The following ELFN2 variants were observed in gnomAD, a reference collection of about 807,000 sequenced individuals.
The protein encoded by ELFN2 is protein phosphatase 1 regulatory subunit 29.
ELFN2 carries 17 observed loss-of-function variants against 45.5 expected under a neutral mutation model. The observed-to-expected ratio is 0.37, with a 90% confidence interval of 0.26 to 0.56. ELFN2 has a LOEUF of 0.56. ELFN2 is among the 20% of genes least tolerant of loss of function. The pLI, the probability that ELFN2 is intolerant of heterozygous loss-of-function variation, is 0.77. For missense variants in ELFN2, 922 were observed against 1,183.2 expected (o/e 0.78, Z 3.24); for synonymous variants, 550 against 551.5 (o/e 1.00, Z 0.04).
downstream of ELFN2, among the ~76,000 whole-genome samples, chr22:37,366,906 C>T (rs1931218941): frequency 6.6e-6 from 1 of 152,198 alleles, no homozygotes; most frequent in Non-Finnish European, 1.5e-5. Context: ...GCCCCAGGCC[C>T]TGGGCCATCC....
At chr22:37,351,699 G>C (rs967865094) in intron 1 of ELFN2, among the ~76,000 whole-genome samples, 18 of 150,768 alleles carry the variant, frequency 1.2e-4, no homozygotes, top group African/African-American at 4.3e-4. Flanking sequence ...CAGTTTACCT[G>C]TGAAGTGAGG....
rs1931478223 is a variant in ELFN2 at position 37,374,033 on chromosome 22, T to C, written c.1502A>G (p.Asn501Ser). 1.9e-6 allele frequency: 3 copies of C among 1,613,116 alleles called. No homozygotes were observed. The highest frequency in any genetic ancestry group is 2.5e-6 in the Non-Finnish European group (3 of 1,180,018). ...GGCGCCTGTGCGCACCTCGATATAG[T>C]TGCCTTTGGTGGCTACCTTGGGTGT... Reference protein sequence around the residue: ...LDTPKVATKGNYIEVRTGAGG... With the variant: ...LDTPKVATKGSYIEVRTGAGG... Residue 501 changes from asparagine (N) to serine (S), a missense_variant, in exon 3 of 3, where the codon AAC becomes AGC. Coordinates refer to ENST00000402918, the MANE Select transcript of ELFN2 (RefSeq NM_052906.5).
intron 1 of ELFN2, among the ~76,000 whole-genome samples, chr22:37,346,635 T>A (rs1423489054): frequency 6.6e-6 from 1 of 152,126 alleles, no homozygotes; most frequent in Non-Finnish European, 1.5e-5. Context: ...AATAAAGAAT[T>A]CCTCTGCCCT....
rs765324079 is a variant in ELFN2, at chr22:37,375,544, C to G, written c.-10G>C. 8 of 1,535,904 alleles carry G rather than the reference C, an allele frequency of 5.2e-6. No homozygotes were observed. The Admixed American group carries it at 1.4e-4, about 27-fold the overall frequency. On this transcript the variant is annotated 5_prime_UTR_variant, in exon 3 of 3. Coordinates refer to ENST00000402918, the MANE Select transcript of ELFN2 (RefSeq NM_052906.5). ...GCCCCAGGCGCAGCATGGCGCTGGCCTCGGAGTGAGGGGCCAGGGCAAGGC... is the reference window on the plus strand; with the variant it reads ...GCCCCAGGCGCAGCATGGCGCTGGCGTCGGAGTGAGGGGCCAGGGCAAGGC...
chr22:37,359,737 T>C (rs547510194), intron 1 of ELFN2, among the ~76,000 whole-genome samples: 6 of 152,304 alleles, frequency 3.9e-5, no homozygotes, highest in Admixed American at 6.5e-5. Context: ...AGCCCCAGAC[T>C]TGGAGCCTAC....
intron 2 of ELFN2, among the ~76,000 whole-genome samples, chr22:37,396,669 C>T (rs1932221531): frequency 6.6e-6 from 1 of 152,166 alleles, no homozygotes; most frequent in East Asian, 1.9e-4. Flanking sequence ...CTTCCTGCCC[C>T]GACCCACTAA....
intron 1 of ELFN2, among the ~76,000 whole-genome samples, chr22:37,346,257 C>CCAA (rs1398303417): frequency 6.6e-6 from 1 of 152,226 alleles, no homozygotes; most frequent in Non-Finnish European, 1.5e-5. Flanking sequence ...GGGCACTTCC[C>CCAA]CAAGCCTCCC....
chr22:37,411,145 C>T (rs1407511524), intron 2 of ELFN2, among the ~76,000 whole-genome samples: 1 of 152,240 alleles, frequency 6.6e-6, no homozygotes, highest in African/African-American at 2.4e-5. Flanking sequence ...CACTGAGGCA[C>T]ACACAGGCGG....
chr22:37,422,488 C>T (rs1028304213), intron 1 of ELFN2, among the ~76,000 whole-genome samples: 27 of 151,902 alleles, frequency 1.8e-4, no homozygotes, highest in African/African-American at 5.3e-4. Context: ...GGGAGGATCA[C>T]GAGGTCAGGA....
chr22:37,382,968 C>T (rs1406430938), intron 2 of ELFN2, among the ~76,000 whole-genome samples: 1 of 152,156 alleles, frequency 6.6e-6, no homozygotes, highest in Non-Finnish European at 1.5e-5. Context: ...CCACTAGGGA[C>T]GAGGCCAGTA....
intron 2 of ELFN2, among the ~76,000 whole-genome samples, chr22:37,383,118 T>C (rs1193240735): frequency 6.6e-6 from 1 of 152,148 alleles, no homozygotes; most frequent in African/African-American, 2.4e-5. Context: ...GCCCGGGTCA[T>C]GCTTGCTGTC....
downstream of ELFN2, among the ~76,000 whole-genome samples, chr22:37,365,532 TGA>T (rs887320519): frequency 3.1e-4 from 47 of 152,238 alleles, no homozygotes; most frequent in African/African-American, 1.1e-3. Flanking sequence ...CGGTGAAGTT[TGA>T]GTTACAGATA....
At position 37,392,118 on chromosome 22, in the gene ELFN2, G is replaced by A; in HGVS notation, c.-462-16122C>T. Among the ~76,000 whole-genome samples the A allele has an allele frequency of 1.3e-5, 2 of 152,134 alleles. 1 individual carries two copies. The highest frequency in any genetic ancestry group is 2.9e-5 in the Non-Finnish European group (2 of 67,998). ...GCAACAGAAGCACCGTCCATCTTAA[G>A]GGAATTTAACTGCTACCGTTAGACT... On this transcript the variant is annotated intron_variant, in intron 2 of 2. Coordinates refer to ENST00000402918, the MANE Select transcript of ELFN2 (RefSeq NM_052906.5).
chr22:37,388,497 C>T (rs958162068), intron 2 of ELFN2, among the ~76,000 whole-genome samples: 2 of 152,210 alleles, frequency 1.3e-5, no homozygotes, highest in African/African-American at 4.8e-5. Flanking sequence ...ATCGAGGCTC[C>T]AAGTAATTCA....
intron 2 of ELFN2, among the ~76,000 whole-genome samples, chr22:37,378,947 C>T (rs1931665512): frequency 6.6e-6 from 1 of 152,236 alleles, no homozygotes; most frequent in Admixed American, 6.5e-5. Context: ...CCAGCGGTCA[C>T]ATGGCCAAGG....
intron 2 of ELFN2, among the ~76,000 whole-genome samples, chr22:37,401,669 G>A (rs1055702623): frequency 6.6e-6 from 1 of 152,200 alleles, no homozygotes; most frequent in Non-Finnish European, 1.5e-5. Context: ...GAGCCTGGGG[G>A]CCACCGCCCT....
chr22:37,426,483 C>T (rs1293152719), intron 1 of ELFN2, among the ~76,000 whole-genome samples: 7 of 151,924 alleles, frequency 4.6e-5, no homozygotes, highest in African/African-American at 7.3e-5. Context: ...ACCCCATGTC[C>T]ACACACACAC....
At chr22:37,356,966 A>G (rs1168033301) in intron 1 of ELFN2, among the ~76,000 whole-genome samples, 1 of 152,222 alleles carries the variant, frequency 6.6e-6, no homozygotes, top group East Asian at 1.9e-4. Context: ...GGAACAAATA[A>G]CAGAGACTCC....
chr22:37,402,988 C>A (rs547257328), intron 2 of ELFN2, among the ~76,000 whole-genome samples: 1 of 152,102 alleles, frequency 6.6e-6, no homozygotes, highest in African/African-American at 2.4e-5. Flanking sequence ...AAGAATGGCC[C>A]GGGCCAGAGA....
Sources: allele counts gnomAD v4.1 joint callset (sites outside exome capture counted in the v4.1 genomes callset), GRCh38; gene constraint gnomAD v4.1.1; transcripts MANE v1.5; gene names NCBI Gene and HGNC (gene_info 2026-07-23, HGNC 2026-07-21).